EYA2: variants seen among roughly 807,000 people sequenced by gnomAD.
The protein encoded by EYA2 is EYA transcriptional coactivator and phosphatase 2, also known as protein phosphatase EYA2.
EYA2 carries 31 observed loss-of-function variants against 69.2 expected under a neutral mutation model. The observed-to-expected ratio is 0.45, with a 90% confidence interval of 0.34 to 0.60. The LOEUF is 0.60. Ranked by LOEUF, EYA2 falls within the 20% of genes least tolerant of loss-of-function variation. The pLI, the probability that EYA2 is intolerant of heterozygous loss-of-function variation, is 0.02. For missense variants in EYA2, 622 were observed against 701.2 expected, an observed-to-expected ratio of 0.89 and a Z score of 1.28; for synonymous variants, 257 against 279.4, an observed-to-expected ratio of 0.92 and a Z score of 0.80.
intron 1 of EYA2, among the ~76,000 whole-genome samples, chr20:46,905,944 A>G (rs1984331737): frequency 6.6e-6 from 1 of 151,156 alleles, no homozygotes; most frequent in South Asian, 2.1e-4. Context: ...ACTGTTCTTC[A>G]GGTAGCTACC....
intron 10 of EYA2, among the ~76,000 whole-genome samples, chr20:47,163,320 C>G (rs536797890): frequency 1.3e-5 from 2 of 152,250 alleles, no homozygotes; most frequent in South Asian, 4.1e-4. Context: ...TGTAAGCCAC[C>G]GCGCCCAGCC....
At chr20:47,058,783 T>A (rs772542063) in intron 5 of EYA2, among the ~76,000 whole-genome samples, 7 of 152,154 alleles carry the variant, frequency 4.6e-5, no homozygotes, top group Admixed American at 1.3e-4. Flanking sequence ...AGAGCTGTGG[T>A]GAGCTATGAT....
chr20:47,083,867 G>A (rs1486963663), intron 7 of EYA2, among the ~76,000 whole-genome samples: 3 of 152,166 alleles, frequency 2.0e-5, no homozygotes, highest in Admixed American at 1.3e-4. Context: ...TAATTGCAAG[G>A]CATATCTCGA....
chr20:47,106,058 G>A (rs2032570784), intron 9 of EYA2, among the ~76,000 whole-genome samples: 1 of 152,184 alleles, frequency 6.6e-6, no homozygotes, highest in Non-Finnish European at 1.5e-5. Context: ...TGGCCAACGA[G>A]AGGCTTTAAT....
chr20:47,171,456 C>T (rs2034321124), intron 11 of EYA2, among the ~76,000 whole-genome samples: 1 of 152,012 alleles, frequency 6.6e-6, no homozygotes, highest in Non-Finnish European at 1.5e-5. Flanking sequence ...AGAGATGCCT[C>T]GTTTTGTGCC....
chr20:47,023,063 A>AT (rs1479124280), intron 5 of EYA2, among the ~76,000 whole-genome samples: 1 of 152,010 alleles, frequency 6.6e-6, no homozygotes, highest in African/African-American at 2.4e-5. Context: ...AGACACATGA[A>AT]TTTTTTAAAC....
At chr20:47,001,170 G>T (rs932330983) in intron 2 of EYA2, among the ~76,000 whole-genome samples, 9 of 152,080 alleles carry the variant, frequency 5.9e-5, no homozygotes, top group African/African-American at 1.9e-4. Flanking sequence ...CTACTCTGAT[G>T]TTTCAAGGTG....
At chr20:47,156,085 T>TACACACACACACAC (rs1320084095) in intron 10 of EYA2, among the ~76,000 whole-genome samples, 2 of 28,780 alleles carry the variant, frequency 6.9e-5, no homozygotes, top group African/African-American at 1.9e-4. Context: ...CACATATATA[T>TACACACACACACAC]ACATACACAC....
At chr20:47,110,702 C>T (rs4619674) in intron 9 of EYA2, among the ~76,000 whole-genome samples, 47,185 of 152,152 alleles carry the variant, frequency 0.31, 8,214 homozygotes, top group African/African-American at 0.47. Context: ...GGCACCTCCA[C>T]TGGACAAATA....
intron 1 of EYA2, among the ~76,000 whole-genome samples, chr20:46,899,115 G>A (rs1983965443): frequency 6.6e-6 from 1 of 152,218 alleles, no homozygotes; most frequent in South Asian, 2.1e-4. Context: ...AGGAAACTGA[G>A]TCGCAGGTCA....
intron 2 of EYA2, among the ~76,000 whole-genome samples, chr20:46,997,286 G>A (rs570939663): frequency 1.3e-5 from 2 of 152,244 alleles, no homozygotes; most frequent in African/African-American, 4.8e-5. Context: ...GAAGCCAGGG[G>A]AAAATACACC....
chr20:46,978,972 G>T (rs886728563), intron 1 of EYA2, among the ~76,000 whole-genome samples: 4 of 152,250 alleles, frequency 2.6e-5, no homozygotes, highest in African/African-American at 9.6e-5. Flanking sequence ...GGCTGTCAGA[G>T]ACGTCCAGGT....
At chr20:47,155,986 A>G (rs1381999554) in intron 10 of EYA2, among the ~76,000 whole-genome samples, 2 of 148,644 alleles carry the variant, frequency 1.3e-5, no homozygotes, top group African/African-American at 4.9e-5. Flanking sequence ...AGACCAGCCC[A>G]GCCAATGTGG....
At chr20:46,912,336 A>G (rs1026817520) in intron 1 of EYA2, among the ~76,000 whole-genome samples, 1 of 152,170 alleles carries the variant, frequency 6.6e-6, no homozygotes, top group Non-Finnish European at 1.5e-5. Flanking sequence ...ACGAGGTGAG[A>G]CTTTTTTTTC....
At chr20:46,936,772 C>T (rs1763597723) in intron 1 of EYA2, among the ~76,000 whole-genome samples, 3 of 152,212 alleles carry the variant, frequency 2.0e-5, no homozygotes, top group South Asian at 2.1e-4. Flanking sequence ...TCCCGTCCCC[C>T]GCTTTCCCTC....
At chr20:47,069,228 T>C (rs774990273) in intron 5 of EYA2, among the ~76,000 whole-genome samples, 1 of 152,168 alleles carries the variant, frequency 6.6e-6, no homozygotes, top group Non-Finnish European at 1.5e-5. Context: ...GCTCAGTGGC[T>C]CACGTCTGTA....
chr20:47,146,201 G>T (rs2146604516), intron 10 of EYA2, among the ~76,000 whole-genome samples: 1 of 152,298 alleles, frequency 6.6e-6, no homozygotes, highest in South Asian at 2.1e-4. Flanking sequence ...CCTGTCTGGG[G>T]TACGTGGGGT....
chr20:47,108,709 C>T (rs1028122531), intron 9 of EYA2, among the ~76,000 whole-genome samples: 1 of 151,864 alleles, frequency 6.6e-6, no homozygotes, highest in African/African-American at 2.4e-5. Context: ...GTAGCTGAGA[C>T]TACAGGTGCA....
chr20:46,963,066 C>T (rs189005064), intron 1 of EYA2, among the ~76,000 whole-genome samples: 21 of 152,360 alleles, frequency 1.4e-4, no homozygotes, highest in Middle Eastern at 3.4e-3. Flanking sequence ...TACACTGACT[C>T]GCACAGTGCC....
Sources: gnomAD v4.1 joint callset for allele counts (sites outside exome capture counted in the v4.1 genomes callset) on GRCh38, gnomAD v4.1.1 for gene constraint, MANE v1.5 for transcripts, NCBI Gene and HGNC (gene_info 2026-07-23, HGNC 2026-07-21) for gene names.